The following TMX4 variants were observed in gnomAD, a reference collection of about 807,000 sequenced individuals.
TMX4 encodes the protein thioredoxin related transmembrane protein 4.
A neutral mutation model predicts 33.3 loss-of-function variants in TMX4; 23 were observed. That is an observed-to-expected ratio of 0.69 (90% CI 0.50 to 0.98). The LOEUF (loss-of-function observed/expected upper bound fraction) is 0.98, where lower values mean the gene tolerates loss of function less well. Among genes scored for constraint, TMX4 ranks in the 50% least tolerant of loss-of-function variants. The pLI, the probability that TMX4 is intolerant of heterozygous loss-of-function variation, is 0.00. For synonymous variants in TMX4, 164 were observed against 161.5 expected (o/e 1.02, Z -0.12); for missense variants, 399 against 448.9 (o/e 0.89, Z 1.01).
intron 5 of TMX4, among the ~76,000 whole-genome samples, chr20:7,987,627 T>C (rs1462042495): frequency 1.3e-5 from 2 of 152,142 alleles, no homozygotes; most frequent in African/African-American, 2.4e-5. Context: ...AGAATTCTGG[T>C]AGAATCGTTT....
chr20:8,018,529 T>TCTCAGCAATCATTTTCC (rs142450172), intron 1 of TMX4, among the ~76,000 whole-genome samples: 1,726 of 40,204 alleles, frequency 0.043, 456 homozygotes, highest in East Asian at 0.099. Context: ...AGAGAGAGAG[T>TCTCAGCAATCATTTTCC]CTGCAAGCCC....
intron 5 of TMX4, among the ~76,000 whole-genome samples, chr20:7,994,203 T>C (rs1261964500): frequency 1.3e-5 from 2 of 152,138 alleles, no homozygotes; most frequent in South Asian, 2.1e-4. Flanking sequence ...TTTGGAAATA[T>C]CTGGAAATTA....
chr20:8,014,753 T>C (rs1413644614), intron 1 of TMX4, among the ~76,000 whole-genome samples: 1 of 152,214 alleles, frequency 6.6e-6, no homozygotes, highest in African/African-American at 2.4e-5. Context: ...TGTTCTTTAC[T>C]TGCAGAAACT....
At chr20:7,989,218 C>T (rs74692144) in intron 5 of TMX4, among the ~76,000 whole-genome samples, 1,946 of 151,994 alleles carry the variant, frequency 0.013, 49 homozygotes, top group African/African-American at 0.045. Context: ...ATATTAAACC[C>T]GGAAATGTGC....
rs983819453 is a variant in TMX4, at chr20:7,987,024, T to C, written c.615+264A>G. 3.3e-5 allele frequency among the ~76,000 whole-genome samples: 5 copies of C among 151,892 alleles called. No individual in the cohort carries two copies. In the South Asian group the frequency reaches 6.2e-4, roughly 19 times the overall value. On this transcript the variant is annotated intron_variant, in intron 6 of 7. Transcript: ENST00000246024. ...TATCAATTCTAGTAAGGTCTCTTTT[T>C]TTTTTTTTTTTTAATTACTGTCTAT...
At chr20:7,999,966 C>A in intron 3 of TMX4, 106 bp from the exon 4 acceptor site, 1 of 1,205,592 alleles carries the variant, frequency 8.3e-7, no homozygotes, top group Non-Finnish European at 1.1e-6. Flanking sequence ...GCCATCTGAA[C>A]TTTAAATTGA....
At position 7,982,225 on chromosome 20, in the gene TMX4, G is replaced by A. The variant is rs2122848863; in HGVS notation, c.*26C>T. ...GGAAGCTGACATATTGTTTTGGTGT[G>A]TATTCTTGAAAACGCATCATTAAAT... is the stretch of plus-strand genomic sequence containing the variant. On this transcript the variant is annotated 3_prime_UTR_variant, in exon 8 of 8. Transcript: ENST00000246024. 6.3e-7 allele frequency: 1 copy of A among 1,598,404 alleles called. No homozygotes were observed. Among genetic ancestry groups the A allele is most frequent in the Non-Finnish European group, 8.5e-7 (1 of 1,171,374 alleles).
intron 1 of TMX4, chr20:8,013,838 C>G (rs1049921212): frequency 5.9e-5 from 9 of 152,284 alleles, no homozygotes; most frequent in African/African-American, 2.2e-4. Context: ...TCTCTTTTCT[C>G]CTGACTTTTT....
Position 7,979,465 on chromosome 20 carries a change from T to C in TMX4, c.*2786A>G, listed in dbSNP as rs1333611566. The C allele has an allele frequency of 6.6e-6, 1 of 152,066 alleles. No individual in the cohort carries two copies. The highest frequency in any genetic ancestry group is 2.4e-5 in the African/African-American group (1 of 41,400). 9.4% of individuals were successfully genotyped at this position (152,066 alleles called of 1,614,324 possible). A position where few individuals can be genotyped will look rare whatever the true frequency, so the allele number is the denominator to read the frequency against. On this transcript the variant is annotated 3_prime_UTR_variant, in exon 8 of 8. Transcript: ENST00000246024. ...GAAAGAAAGTACATTTTCTGCCAGG[T>C]ACGGTGGCTCACACCTGTAATCCCA...
chr20:7,999,911 T>C (rs2050696961), intron 3 of TMX4, 51 bp from the exon 4 acceptor site: 1 of 1,565,674 alleles, frequency 6.4e-7, no homozygotes, highest in Admixed American at 2.0e-5. Flanking sequence ...ATAACGATGT[T>C]ACAGATAATA....
chr20:8,018,721 A>G (rs2050795079), intron 1 of TMX4: 1 of 178,694 alleles, frequency 5.6e-6, no homozygotes, highest in Middle Eastern at 2.5e-3. Flanking sequence ...TTTGCTTTCT[A>G]TTGTTAAAAG....
In TMX4 at chr20:7,982,494, A is replaced by C. The variant is rs1165121465; in HGVS notation, c.807T>G (p.Asp269Glu). 3.1e-6 allele frequency: 5 copies of C among 1,613,520 alleles called. No homozygotes were observed. In the South Asian group the frequency reaches 5.5e-5, roughly 18 times the overall value. Residue 269 changes from aspartate to glutamate, a missense_variant, in exon 8 of 8, where the codon GAT (aspartate) becomes GAG (glutamate). Transcript: ENST00000246024. The stretch of plus-strand genomic sequence containing the variant: ...CCTCTGCTTCATCCTCATCGCCAAG[A>C]TCTTCTTTCTCTTCTTCATCATCTA... The part of the protein sequence containing the change: ...SLVDDEEEKE[D>E]LGDEDEAEEE...
In TMX4 at chr20:7,982,599, C is replaced by A; in HGVS notation, c.702G>T (p.Glu234Asp). 1 of 1,612,318 alleles carries A rather than the reference C, an allele frequency of 6.2e-7. No individual in the cohort carries two copies. The highest frequency in any genetic ancestry group is 8.5e-7 in the Non-Finnish European group (1 of 1,179,670). The change falls in exon 8 of 8, where the codon GAG becomes GAT. Residue 234 changes from glutamate (E) to aspartate (D), a missense_variant. Transcript: ENST00000246024. Reference protein sequence around the residue: ...ERSEQNRRSEEAHRAEQLQDA... With the variant: ...ERSEQNRRSEDAHRAEQLQDA... ...CCTGCAACTGTTCAGCTCTATGAGC[C>A]TCCTCTGATCTCCGATTCTGCTCTA...
In TMX4 at chr20:7,982,702, T is replaced by C; in HGVS notation, c.680-81A>G. ...CAATTGAGTGTGTTTAGCTGTGAAA[T>C]AAAAATAGAGGGTAAGTGACAGTTT... On this transcript the variant is annotated intron_variant, in intron 7 of 7. Transcript: ENST00000246024. 9.0e-6 allele frequency: 13 copies of C among 1,437,242 alleles called. No individual in the cohort carries two copies. In the South Asian group the frequency reaches 1.5e-4, roughly 17 times the overall value. The allele number at this position is 1,437,242 out of a possible 1,614,324, so 89.0% of individuals were successfully genotyped here.
intron 2 of TMX4, among the ~76,000 whole-genome samples, chr20:8,004,483 T>G (rs6140491): frequency 1.3e-5 from 2 of 152,142 alleles, no homozygotes; most frequent in Non-Finnish European, 2.9e-5. Context: ...CACAAAGCCT[T>G]CCAAAATTTC....
In TMX4 at chr20:7,982,247, A is replaced by C. The variant is rs759623622; in HGVS notation, c.*4T>G. 6 of 1,608,874 alleles carry C rather than the reference A, an allele frequency of 3.7e-6. No homozygotes were observed. The highest frequency in any genetic ancestry group is 5.1e-6 in the Non-Finnish European group (6 of 1,176,668). On this transcript the variant is annotated 3_prime_UTR_variant, in exon 8 of 8. Transcript: ENST00000246024. ...TGTGTATTCTTGAAAACGCATCATTAAATCTACAGTCCCTTGTCAGCATGC... is the reference window on the plus strand; with the variant it reads ...TGTGTATTCTTGAAAACGCATCATTCAATCTACAGTCCCTTGTCAGCATGC...
In TMX4 at chr20:7,978,562, T is replaced by C. The variant is rs745819249; in HGVS notation, c.*3689A>G. 1.3e-5 allele frequency: 2 copies of C among 152,254 alleles called. No individual in the cohort carries two copies. Among genetic ancestry groups the C allele is most frequent in the Admixed American group, 6.5e-5 (1 of 15,278 alleles). The allele number at this position is 152,254 out of a possible 1,614,324, so 9.4% of individuals were successfully genotyped here. A position where few individuals can be genotyped will look rare whatever the true frequency, so the allele number is the denominator to read the frequency against. ...GGCCATAAAAAGTCAAATTTTGTTT[T>C]TTTTCCACTATCAAAAGCCAACTCA... On this transcript the variant is annotated 3_prime_UTR_variant, in exon 8 of 8. Coordinates refer to ENST00000246024, the MANE Select transcript of TMX4 (RefSeq NM_021156.4).
intron 6 of TMX4, among the ~76,000 whole-genome samples, chr20:7,984,223 A>T (rs2050620957): frequency 6.6e-6 from 1 of 152,226 alleles, no homozygotes; most frequent in Non-Finnish European, 1.5e-5. Flanking sequence ...GTAACCCCTG[A>T]TTGAATGGAA....
At chr20:7,997,692 G>A (rs1383939086) in intron 4 of TMX4, among the ~76,000 whole-genome samples, 1 of 152,156 alleles carries the variant, frequency 6.6e-6, no homozygotes, top group Non-Finnish European at 1.5e-5. Flanking sequence ...AAAGGCTCTC[G>A]TACTCCTTTG....
Sources: gnomAD v4.1 joint callset for allele counts (sites outside exome capture counted in the v4.1 genomes callset) on GRCh38, gnomAD v4.1.1 for gene constraint, MANE v1.5 for transcripts, NCBI Gene and HGNC (gene_info 2026-07-23, HGNC 2026-07-21) for gene names.